TMEM62: variants seen among roughly 807,000 people sequenced by gnomAD.
TMEM62 encodes transmembrane protein 62.
In TMEM62, 41 loss-of-function variants were observed where a neutral mutation model predicts 70.4. That is an observed-to-expected ratio of 0.58 (90% CI 0.45 to 0.76). The LOEUF (loss-of-function observed/expected upper bound fraction) is 0.76. TMEM62 is among the 30% of genes least tolerant of loss of function. TMEM62 has a pLI of 0.00. For synonymous variants in TMEM62, 268 were observed against 291.0 expected (o/e 0.92, Z 0.80); for missense variants, 688 against 788.5 (o/e 0.87, Z 1.53).
At chr15:43,140,260 A>G (rs2035817555) in intron 4 of TMEM62, among the ~76,000 whole-genome samples, 1 of 152,164 alleles carries the variant, frequency 6.6e-6, no homozygotes, top group African/African-American at 2.4e-5. Context: ...CTGTCTTCCT[A>G]TTATTGCAAG....
At chr15:43,169,035 C>T (rs902019222) in intron 10 of TMEM62, 1 of 152,698 alleles carries the variant, frequency 6.5e-6, no homozygotes, top group African/African-American at 2.4e-5. Flanking sequence ...ATTTTGCTCT[C>T]TCCCACAAGT....
intron 4 of TMEM62, among the ~76,000 whole-genome samples, chr15:43,142,898 G>T (rs2036232162): frequency 6.6e-6 from 1 of 151,012 alleles, no homozygotes; most frequent in African/African-American, 2.4e-5. Context: ...TTGAACTCCT[G>T]GGCTCAAGTG....
At position 43,134,328 on chromosome 15, in the gene TMEM62, A is replaced by C. The variant is rs2034876815; in HGVS notation, c.252A>C (p.Glu84Asp). The C allele has an allele frequency of 1.9e-6, 3 of 1,614,122 alleles. No individual in the cohort carries two copies. The East Asian group carries it at 6.7e-5, about 36-fold the overall frequency. ...TAGACTTAGAGAAATTCTGTTCTGAAACTATTGACATCATTCAACCAGCTC... is the reference window on the plus strand; with the variant it reads ...TAGACTTAGAGAAATTCTGTTCTGACACTATTGACATCATTCAACCAGCTC... ...RAVDLEKFCS[E>D]TIDIIQPALV... Residue 84 changes from glutamate (E) to aspartate (D), a missense_variant, in exon 2 of 14, where the codon GAA becomes GAC. Transcript: ENST00000260403.
At chr15:43,164,212 G>A (rs933508738) in intron 10 of TMEM62, among the ~76,000 whole-genome samples, 1 of 152,134 alleles carries the variant, frequency 6.6e-6, no homozygotes, top group East Asian at 1.9e-4. Flanking sequence ...TGGTGGATCA[G>A]ATGTTTGATT....
At chr15:43,148,604 A>C (rs2036962961) in intron 5 of TMEM62, 151 bp from the exon 6 acceptor site, 1 of 737,804 alleles carries the variant, frequency 1.4e-6, no homozygotes, top group African/African-American at 1.8e-5. Context: ...TGAAACTTAC[A>C]GAGGTCCATA....
chr15:43,180,444 G>A (rs753982069), intron 12 of TMEM62, among the ~76,000 whole-genome samples: 7 of 152,050 alleles, frequency 4.6e-5, no homozygotes, highest in Non-Finnish European at 5.9e-5. Flanking sequence ...TTTTGCAAAC[G>A]GAAATCTAAC....
intron 10 of TMEM62, among the ~76,000 whole-genome samples, chr15:43,168,383 G>A (rs2141962413): frequency 6.6e-6 from 1 of 152,164 alleles, no homozygotes; most frequent in South Asian, 2.1e-4. Context: ...ACTACTGCTT[G>A]GCTACTGCTG....
At chr15:43,169,874 G>T (rs2040003953) in intron 11 of TMEM62, 197 bp downstream of exon 11, 1 of 506,042 alleles carries the variant, frequency 2.0e-6, no homozygotes, top group East Asian at 3.2e-5. Context: ...ATGGAGGCAG[G>T]GGTTATAGGA....
At chr15:43,182,614 C>T (rs913925761) in intron 13 of TMEM62, among the ~76,000 whole-genome samples, 4 of 151,898 alleles carry the variant, frequency 2.6e-5, no homozygotes, top group South Asian at 2.1e-4. Flanking sequence ...CCACCATGCC[C>T]GGCTAATTTT....
intron 9 of TMEM62, 105 bp from the exon 10 acceptor site, chr15:43,160,570 TAACAAC>T: frequency 4.8e-6 from 3 of 620,642 alleles, no homozygotes; most frequent in South Asian, 4.5e-5. Flanking sequence ...ACAACAACAA[TAACAAC>T]AACAACAAAG....
Position 43,165,575 on chromosome 15 carries a change from T to C in TMEM62, c.1297-4018T>C, listed in dbSNP as rs191370086. On this transcript the variant is annotated intron_variant, in intron 10 of 13. Transcript: ENST00000260403. ...AGTGAAACCCCATCTCTACTAAAAATACAAAAAATTAGCCCGGTGTGGTGG... is the reference window on the plus strand; with the variant it reads ...AGTGAAACCCCATCTCTACTAAAAACACAAAAAATTAGCCCGGTGTGGTGG... Among the ~76,000 whole-genome samples the C allele has an allele frequency of 1.8e-3, 266 of 151,778 alleles. 6 individuals carry two copies. The East Asian group carries it at 0.034, about 19-fold the overall frequency.
At chr15:43,157,627 T>G (rs995626415) in intron 9 of TMEM62, among the ~76,000 whole-genome samples, 19 of 152,148 alleles carry the variant, frequency 1.2e-4, no homozygotes, top group African/African-American at 4.6e-4. Flanking sequence ...TCTCAACAAT[T>G]ATCAACTCAT....
chr15:43,145,661 G>A (rs2036583912), intron 4 of TMEM62, among the ~76,000 whole-genome samples: 1 of 152,092 alleles, frequency 6.6e-6, no homozygotes, highest in Admixed American at 6.5e-5. Context: ...TGGCCCACTA[G>A]CATATTAAAT....
At chr15:43,149,291 T>A in intron 7 of TMEM62, 140 bp downstream of exon 7, 1 of 874,698 alleles carries the variant, frequency 1.1e-6, no homozygotes, top group Non-Finnish European at 1.7e-6. Flanking sequence ...AATATATGTC[T>A]CTGAAATCTT....
Position 43,178,022 on chromosome 15 carries a change from G to A in TMEM62, c.1382-585G>A, listed in dbSNP as rs533685556. Among the ~76,000 whole-genome samples, 4 of 151,098 alleles carry A rather than the reference G, an allele frequency of 2.6e-5. No homozygotes were observed. The East Asian group carries it at 7.7e-4, about 29-fold the overall frequency. ...TAATAAAAATTAAAAAAAAAGAACT[G>A]TATAATGTATAGGAAAGGACCATAT... On this transcript the variant is annotated intron_variant, in intron 11 of 13. Coordinates refer to ENST00000260403, the MANE Select transcript of TMEM62 (RefSeq NM_024956.4).
rs1043701640 is a variant in TMEM62 at position 43,184,229 on chromosome 15, G to C, written c.1606-31G>C. ...TAAGACCAAACTCTTCCAAGGACTTGGGAGTAAGCTATGGTTCTGTTCTTT... is the reference window on the plus strand; with the variant it reads ...TAAGACCAAACTCTTCCAAGGACTTCGGAGTAAGCTATGGTTCTGTTCTTT... On this transcript the variant is annotated intron_variant, in intron 13 of 13. Coordinates refer to ENST00000260403, the MANE Select transcript of TMEM62 (RefSeq NM_024956.4). The C allele has an allele frequency of 1.9e-6, 3 of 1,576,876 alleles. No individual in the cohort carries two copies. The African/African-American group carries it at 4.1e-5, about 21-fold the overall frequency.
At chr15:43,170,940 C>G (rs144414168) in intron 11 of TMEM62, among the ~76,000 whole-genome samples, 101 of 152,286 alleles carry the variant, frequency 6.6e-4, no homozygotes, top group Admixed American at 1.4e-3. Context: ...AGTACAGAAT[C>G]AAGTTATATC....
chr15:43,164,385 A>G (rs2039124646), intron 10 of TMEM62, among the ~76,000 whole-genome samples: 1 of 151,294 alleles, frequency 6.6e-6, no homozygotes, highest in Non-Finnish European at 1.5e-5. Flanking sequence ...AGAGTATTCT[A>G]TATTAGGCTG....
intron 10 of TMEM62, among the ~76,000 whole-genome samples, chr15:43,161,279 G>C (rs954100540): frequency 9.2e-5 from 14 of 152,094 alleles, no homozygotes; most frequent in African/African-American, 3.4e-4. Flanking sequence ...AAGAAGCAGA[G>C]GCATGGATGA....
Sources: gnomAD v4.1 joint callset for allele counts (sites outside exome capture counted in the v4.1 genomes callset) on GRCh38, gnomAD v4.1.1 for gene constraint, MANE v1.5 for transcripts, NCBI Gene and HGNC (gene_info 2026-07-23, HGNC 2026-07-21) for gene names.